The following C5orf63 variants were observed in gnomAD, a reference collection of about 807,000 sequenced individuals.
C5orf63 encodes the protein chromosome 5 open reading frame 63.
C5orf63 carries 18 observed loss-of-function variants against 13.3 expected under a neutral mutation model. That is an observed-to-expected ratio of 1.36 (90% confidence interval 0.94 to 2.01). C5orf63 has a LOEUF of 2.01. Among genes scored for constraint, C5orf63 ranks in the 30% most tolerant of loss-of-function variants. The probability of loss-of-function intolerance (pLI) is 0.00; values close to 1 mark genes in which losing one functional copy is unlikely to be tolerated. For missense variants in C5orf63, 118 were observed against 127.7 expected (o/e 0.92, Z 0.36); for synonymous variants, 38 against 44.7 (o/e 0.85, Z 0.60).
downstream of C5orf63, among the ~76,000 whole-genome samples, chr5:127,048,246 GACACACAC>G (rs71822352): frequency 0.025 from 3,383 of 134,712 alleles, 49 homozygotes; most frequent in Middle Eastern, 0.077. Context: ...GGTCCATGAG[GACACACAC>G]ACACACACAC....
At chr5:127,047,644 T>A (rs1205621492), downstream of C5orf63, 2 of 695,394 alleles carry the variant, frequency 2.9e-6, no homozygotes, top group African/African-American at 1.8e-5. Flanking sequence ...CTCCCTCTAT[T>A]CCTATATATT....
In C5orf63 at chr5:127,051,944, T is replaced by C. The variant is rs1753691766; in HGVS notation, c.175A>G (p.Ile59Val). ...EVLKPYENRF[I>V]LQEVNITLPE... ...AGTGTGATGTTCACCTCCTGTAAAA[T>C]GAACTGAAACAGAGACAGACTAAAG... Residue 59 changes from isoleucine (I) to valine (V), a missense_variant, in exon 5 of 5, where the codon ATT (isoleucine) becomes GTT (valine). Ile to Val is a conservative substitution (Grantham distance 29). Transcript: ENST00000296662. 3 of 1,502,316 alleles carry C rather than the reference T, an allele frequency of 2.0e-6. No individual in the cohort carries two copies. The highest frequency in any genetic ancestry group is 2.7e-6 in the Non-Finnish European group (3 of 1,130,356). 93.1% of individuals were successfully genotyped at this position (1,502,316 alleles called of 1,614,324 possible). A position where few individuals can be genotyped will look rare whatever the true frequency, so the allele number is the denominator to read the frequency against.
At chr5:127,058,240 G>A (rs1173154981) in intron 3 of C5orf63, among the ~76,000 whole-genome samples, 1 of 152,026 alleles carries the variant, frequency 6.6e-6, no homozygotes, top group Non-Finnish European at 1.5e-5. Context: ...CCCTCTTTGT[G>A]TGCATGTGTA....
At chr5:127,061,017 TG>T (rs1754085715) in intron 2 of C5orf63, among the ~76,000 whole-genome samples, 1 of 152,232 alleles carries the variant, frequency 6.6e-6, no homozygotes, top group Non-Finnish European at 1.5e-5. Context: ...TTAAAAGTAT[TG>T]AAGTGAGCTT....
chr5:127,064,459 T>C (rs923075443), intron 2 of C5orf63, among the ~76,000 whole-genome samples: 7 of 152,320 alleles, frequency 4.6e-5, no homozygotes, highest in African/African-American at 1.2e-4. Context: ...CACCCACCTA[T>C]GGGCCCGGCT....
At chr5:127,065,136 T>C (rs1754277020) in intron 2 of C5orf63, among the ~76,000 whole-genome samples, 1 of 152,228 alleles carries the variant, frequency 6.6e-6, no homozygotes, top group South Asian at 2.1e-4. Context: ...AGAAAGGTGT[T>C]GAATTCTTAA....
At chr5:127,064,719 C>T (rs1374283238) in intron 2 of C5orf63, among the ~76,000 whole-genome samples, 1 of 152,156 alleles carries the variant, frequency 6.6e-6, no homozygotes, top group African/African-American at 2.4e-5. Context: ...ACATGAGTGC[C>T]TGGGACAAAA....
downstream of C5orf63, chr5:127,044,165 G>A (rs979141682): frequency 1.8e-4 from 27 of 152,276 alleles, no homozygotes; most frequent in African/African-American, 6.3e-4. Flanking sequence ...TTGGCCTACA[G>A]TATTTCTAAG....
rs188197286 is a variant in C5orf63 at position 127,064,705 on chromosome 5, G to A, written c.-7-5703C>T. Among the ~76,000 whole-genome samples the A allele has an allele frequency of 2.6e-5, 4 of 152,306 alleles. No individual in the cohort carries two copies. The East Asian group carries it at 7.7e-4, about 29-fold the overall frequency. On this transcript the variant is annotated intron_variant, in intron 2 of 4. Coordinates refer to ENST00000296662, the MANE Select transcript of C5orf63 (RefSeq NM_001164478.2). Reference sequence around the variant, plus strand: ...AAAGAATCAGTCTCCAGAAAGGATTGGTCACATGAGTGCCTGGGACAAAAA... The same window carrying A: ...AAAGAATCAGTCTCCAGAAAGGATTAGTCACATGAGTGCCTGGGACAAAAA...
chr5:127,071,834 A>G (rs1487733928), intron 1 of C5orf63, 149 bp from the exon 2 acceptor site: 3 of 152,246 alleles, frequency 2.0e-5, no homozygotes, highest in Non-Finnish European at 2.9e-5. Flanking sequence ...GCTAGAGTAT[A>G]TACAAGTTAT....
intron 1 of C5orf63, chr5:127,073,028 C>G (rs1159023681): frequency 6.6e-6 from 1 of 152,184 alleles, no homozygotes; most frequent in Non-Finnish European, 1.5e-5. Flanking sequence ...AACATGGCTG[C>G]TCAAAAATAT....
chr5:127,072,010 A>C (rs978431544), intron 1 of C5orf63: 4 of 152,230 alleles, frequency 2.6e-5, no homozygotes, highest in Non-Finnish European at 5.9e-5. Flanking sequence ...CCAACAGTCC[A>C]TCTAAATAAA....
intron 2 of C5orf63, among the ~76,000 whole-genome samples, chr5:127,062,739 A>G (rs918210482): frequency 2.0e-5 from 3 of 152,150 alleles, no homozygotes; most frequent in African/African-American, 7.2e-5. Flanking sequence ...TCAATGTGAC[A>G]TTTTCATTAG....
intron 3 of C5orf63, 107 bp downstream of exon 3, chr5:127,058,775 A>T: frequency 1.5e-6 from 1 of 680,614 alleles, no homozygotes; most frequent in Non-Finnish European, 2.5e-6. Context: ...AAAATTGAAG[A>T]GCAGGTCTGA....
chr5:127,070,713 TCAAA>T (rs1181969992), intron 2 of C5orf63, among the ~76,000 whole-genome samples: 1 of 152,194 alleles, frequency 6.6e-6, no homozygotes, highest in East Asian at 1.9e-4. Context: ...TGGCACACTT[TCAAA>T]CAGATACTCT....
exon 5 of C5orf63, chr5:127,045,480 C>T (rs1255395414): frequency 6.6e-6 from 1 of 152,170 alleles, no homozygotes; most frequent in African/African-American, 2.4e-5. Context: ...TTCTGACTCC[C>T]TCTTATAGAG....
intron 3 of C5orf63, among the ~76,000 whole-genome samples, chr5:127,058,073 CGG>C (rs1753956929): frequency 6.6e-6 from 1 of 151,802 alleles, no homozygotes; most frequent in African/African-American, 2.4e-5. Flanking sequence ...ATTTTAGGTT[CGG>C]GGGTACATGT....
intron 3 of C5orf63, among the ~76,000 whole-genome samples, chr5:127,054,457 G>T: frequency 6.6e-6 from 1 of 152,082 alleles, no homozygotes; most frequent in Non-Finnish European, 1.5e-5. Flanking sequence ...ATCTCATTGT[G>T]GTTTTGATTT....
chr5:127,063,656 A>G (rs1477185302), intron 2 of C5orf63, among the ~76,000 whole-genome samples: 1 of 152,196 alleles, frequency 6.6e-6, no homozygotes, highest in East Asian at 1.9e-4. Context: ...TGCCTTGGTT[A>G]TTTAACAGAT....
Sources: allele counts gnomAD v4.1 joint callset (sites outside exome capture counted in the v4.1 genomes callset), GRCh38; gene constraint gnomAD v4.1.1; transcripts MANE v1.5; gene names NCBI Gene and HGNC (gene_info 2026-07-23, HGNC 2026-07-21).